The following TULP4 variants were observed in gnomAD, a reference collection of about 807,000 sequenced individuals.
TULP4 encodes the protein tubby-related protein 4.
TULP4 carries 16 observed loss-of-function variants against 129.0 expected under a neutral mutation model. That is an observed-to-expected ratio of 0.12 (90% CI 0.08 to 0.19). TULP4 has a LOEUF of 0.19. TULP4 is among the 10% of genes least tolerant of loss of function. The pLI is 1.00. For synonymous variants in TULP4, 998 were observed against 854.0 expected (o/e 1.17, Z -2.94); for missense variants, 1,842 against 2,059.1 (o/e 0.89, Z 2.04).
At chr6:158,351,932 G>T (rs979549431) in intron 1 of TULP4, among the ~76,000 whole-genome samples, 2 of 151,936 alleles carry the variant, frequency 1.3e-5, no homozygotes, top group African/African-American at 4.8e-5. Flanking sequence ...ATGTTGGCCA[G>T]GCTGGTCTTG....
At chr6:158,367,861 G>T (rs1776960478) in intron 1 of TULP4, among the ~76,000 whole-genome samples, 1 of 149,658 alleles carries the variant, frequency 6.7e-6, no homozygotes, top group Non-Finnish European at 1.5e-5. Context: ...CCCACTTCAG[G>T]AACTGCAGGA....
In TULP4 at chr6:158,432,929, A is replaced by G. The variant is rs966351211; in HGVS notation, c.543+3032A>G. On this transcript the variant is annotated intron_variant, in intron 3 of 13. Transcript: ENST00000367097. ...GCACATCACCCTTATATATTTCAAC[A>G]TGTGTTTCCTGAGAATAAAGCCTTT... 2.6e-5 allele frequency among the ~76,000 whole-genome samples: 4 copies of G among 152,206 alleles called. No individual in the cohort carries two copies. In the South Asian group the frequency reaches 6.2e-4, roughly 24 times the overall value.
At chr6:158,304,282 T>A (rs910217000) in intron 1 of TULP4, among the ~76,000 whole-genome samples, 3 of 152,170 alleles carry the variant, frequency 2.0e-5, no homozygotes, top group African/African-American at 7.2e-5. Flanking sequence ...TGTGTTTCAT[T>A]ACTGGCATCT....
intron 3 of TULP4, among the ~76,000 whole-genome samples, chr6:158,432,680 G>C (rs1227308291): frequency 6.6e-6 from 1 of 152,208 alleles, no homozygotes; most frequent in Non-Finnish European, 1.5e-5. Context: ...GGCCAACATG[G>C]TGAAACCCCG....
intron 8 of TULP4, among the ~76,000 whole-genome samples, chr6:158,486,376 A>C (rs1278855926): frequency 3.3e-5 from 5 of 152,058 alleles, no homozygotes; most frequent in African/African-American, 4.8e-5. Flanking sequence ...ACAAGGTGAA[A>C]CCCCATCTCT....
intron 1 of TULP4, among the ~76,000 whole-genome samples, chr6:158,347,073 C>G (rs1247092118): frequency 6.6e-6 from 1 of 152,138 alleles, no homozygotes; most frequent in Non-Finnish European, 1.5e-5. Context: ...ATAGGGCTTT[C>G]AGCGACAGAA....
chr6:158,493,730 A>G lies in TULP4; in HGVS notation c.1776+13A>G. ...AGACATCACTCAGGTAGGAGCCCCC[A>G]GTTACCCTGCCTTGCTCCCCTCCTC... On this transcript the variant is annotated intron_variant, in intron 10 of 13. Coordinates refer to ENST00000367097, the MANE Select transcript of TULP4 (RefSeq NM_020245.5). The surrounding 1 kb of genome is among the most constrained non-coding windows in gnomAD (Gnocchi z 4.4). The G allele has an allele frequency of 2.6e-6, 4 of 1,537,634 alleles. No individual in the cohort carries two copies. Among genetic ancestry groups the G allele is most frequent in the Non-Finnish European group, 2.6e-6 (3 of 1,142,008 alleles).
At position 158,452,117 on chromosome 6, in the gene TULP4, C is replaced by T; in HGVS notation, c.725-17C>T. ...GTGTGCTTCCCTCCTTTTCACTTGG[C>T]ACTTGTGTTCCTGCAGATGGTCCGG... On this transcript the variant is annotated splice_polypyrimidine_tract_variant and intron_variant, in intron 4 of 13. Transcript: ENST00000367097. 1 of 1,612,296 alleles carries T rather than the reference C, an allele frequency of 6.2e-7. No individual in the cohort carries two copies. Among genetic ancestry groups the T allele is most frequent in the East Asian group, 2.2e-5 (1 of 44,850 alleles).
chr6:158,464,696 G>T (rs1779516896), intron 6 of TULP4, among the ~76,000 whole-genome samples: 1 of 152,198 alleles, frequency 6.6e-6, no homozygotes, highest in African/African-American at 2.4e-5. Context: ...ACTGCGCCTG[G>T]CCCCAAGGTT....
intron 1 of TULP4, among the ~76,000 whole-genome samples, chr6:158,369,538 A>G (rs1172261876): frequency 2.0e-5 from 3 of 152,130 alleles, no homozygotes; most frequent in East Asian, 1.9e-4. Flanking sequence ...CTGATTCACA[A>G]TGAGGCAGAA....
chr6:158,498,606 C>G (rs1780380499), intron 11 of TULP4, 63 bp from the exon 12 acceptor site: 1 of 1,600,946 alleles, frequency 6.2e-7, no homozygotes, highest in Admixed American at 1.7e-5. Flanking sequence ...CTGTGACTCT[C>G]TTGACACTTT....
At chr6:158,236,483 G>A (rs1200233021) in intron 1 of TULP4, among the ~76,000 whole-genome samples, 1 of 150,792 alleles carries the variant, frequency 6.6e-6, no homozygotes, top group Non-Finnish European at 1.5e-5. Flanking sequence ...TTTTTTTCTT[G>A]TGGCCATTCA....
rs1554287003 is a variant in TULP4 at position 158,392,805 on chromosome 6, T to TTTTTC, written c.253-20256_253-20255insCTTTT. 9.6e-4 allele frequency among the ~76,000 whole-genome samples: 105 copies of TTTTTC among 109,752 alleles called. 6 individuals carry two copies. Among genetic ancestry groups the TTTTTC allele is most frequent in the African/African-American group, 3.0e-3 (81 of 26,578 alleles). The allele number at this position is 109,752 out of a possible 152,430, so 72.0% of individuals were successfully genotyped here. A position where few individuals can be genotyped will look rare whatever the true frequency, so the allele number is the denominator to read the frequency against. ...TTAAATTTGTATTTCTTTTTTTTTT[T>TTTTTC]TTTTTTTTTTTTTTGAGATGGAGTC... On this transcript the variant is annotated intron_variant, in intron 1 of 13. Coordinates refer to ENST00000367097, the MANE Select transcript of TULP4 (RefSeq NM_020245.5).
At chr6:158,330,198 C>T (rs1583755008) in intron 1 of TULP4, among the ~76,000 whole-genome samples, 1 of 152,180 alleles carries the variant, frequency 6.6e-6, no homozygotes, top group Non-Finnish European at 1.5e-5. Context: ...GCCACACTGG[C>T]AAGTGCCCAG....
At chr6:158,331,830 A>G (rs1779902049) in intron 1 of TULP4, among the ~76,000 whole-genome samples, 1 of 143,902 alleles carries the variant, frequency 6.9e-6, no homozygotes, top group Non-Finnish European at 1.5e-5. Flanking sequence ...GGGTTCAATT[A>G]GGAGACGGAA....
At position 158,429,881 on chromosome 6, in the gene TULP4, C is replaced by G. The variant is rs1778590021; in HGVS notation, c.527C>G (p.Thr176Ser). Reference sequence around the variant, plus strand: ...AGTCAAATTACGTGTGGCATATGGACTCCTGACGACCAACAGGTAACACTT... The same window carrying G: ...AGTCAAATTACGTGTGGCATATGGAGTCCTGACGACCAACAGGTAACACTT... ...LESQITCGIW[T>S]PDDQQVLFGT... The change falls in exon 3 of 14, where the codon ACT becomes AGT. Residue 176 changes from threonine (T) to serine (S), a missense_variant. Coordinates refer to ENST00000367097, the MANE Select transcript of TULP4 (RefSeq NM_020245.5). 5 of 1,613,726 alleles carry G rather than the reference C, an allele frequency of 3.1e-6. No individual in the cohort carries two copies. Among genetic ancestry groups the G allele is most frequent in the Non-Finnish European group, 4.2e-6 (5 of 1,179,908 alleles).
chr6:158,344,633 A>G (rs1780260460), intron 1 of TULP4, among the ~76,000 whole-genome samples: 1 of 152,146 alleles, frequency 6.6e-6, no homozygotes, highest in Admixed American at 6.5e-5. Flanking sequence ...TAAATGTTGT[A>G]TGTGTTATGA....
At chr6:158,464,309 A>G (rs1477163725) in intron 6 of TULP4, among the ~76,000 whole-genome samples, 2 of 152,208 alleles carry the variant, frequency 1.3e-5, no homozygotes, top group Non-Finnish European at 2.9e-5. Flanking sequence ...AAGATAGGAC[A>G]TCTTGAAACC....
chr6:158,427,471 C>CTTTTTTTTTTTTTTTTTTTTTTTT lies in TULP4; in HGVS notation c.382-2247_382-2224dup, dbSNP rs557678837. On this transcript the variant is annotated intron_variant, in intron 2 of 13. Transcript: ENST00000367097. ...AAATTCCTTTTCAAAATTATCAGAC[C>CTTTTTTTTTTTTTTTTTTTTTTTT]TTTTTTTTTTTTTTTTTTTTTTTTT... is the stretch of plus-strand genomic sequence containing the variant. 1.1e-4 allele frequency among the ~76,000 whole-genome samples: 8 copies of CTTTTTTTTTTTTTTTTTTTTTTTT among 74,136 alleles called. 1 individual carries two copies. Among genetic ancestry groups the CTTTTTTTTTTTTTTTTTTTTTTTT allele is most frequent in the East Asian group, 4.2e-4 (1 of 2,376 alleles). 48.6% of individuals were successfully genotyped at this position (74,136 alleles called of 152,430 possible).
Sources: allele counts gnomAD v4.1 joint callset (sites outside exome capture counted in the v4.1 genomes callset), GRCh38; gene constraint gnomAD v4.1.1; non-coding constraint Gnocchi (gnomAD v3.1); transcripts MANE v1.5; gene names NCBI Gene and HGNC (gene_info 2026-07-23, HGNC 2026-07-21).